Variants in CSMD1 observed in about 807,000 individuals in gnomAD.
CSMD1 encodes CUB and sushi domain-containing protein 1.
Under a neutral mutation model 417.5 loss-of-function variants are expected in CSMD1, and 213 were observed. The observed-to-expected ratio is 0.51, with a 90% CI of 0.46 to 0.57. CSMD1 has a LOEUF of 0.57. Ranked by LOEUF, CSMD1 falls within the 20% of genes least tolerant of loss-of-function variation. The pLI, the probability that CSMD1 is intolerant of heterozygous loss-of-function variation, is 0.00. For missense variants in CSMD1, 6,923 were observed against 4,529.7 expected, an observed-to-expected ratio of 1.53 and a Z score of -15.17; for synonymous variants, 2,862 against 1,736.8, an observed-to-expected ratio of 1.65 and a Z score of -16.11.
chr8:3,382,979 G>A (rs769388975), intron 18 of CSMD1, among the ~76,000 whole-genome samples: 50 of 152,106 alleles, frequency 3.3e-4, no homozygotes, highest in Admixed American at 7.2e-4. Context: ...CCACTTAAAC[G>A]CTGTGACAAA....
chr8:3,090,316 C>CA (rs35534326), intron 48 of CSMD1, among the ~76,000 whole-genome samples: 23,092 of 79,552 alleles, frequency 0.29, 4,465 homozygotes, highest in Non-Finnish European at 0.37. Context: ...GACTGTATTT[C>CA]AAAAAAAAAA....
intron 3 of CSMD1, among the ~76,000 whole-genome samples, chr8:4,150,008 C>A (rs749206562): frequency 4.1e-4 from 63 of 152,158 alleles, no homozygotes; most frequent in Non-Finnish European, 7.6e-4. Flanking sequence ...CTGATGGATG[C>A]CTTTAAAATA....
chr8:4,288,248 G>C (rs969958793), intron 3 of CSMD1, among the ~76,000 whole-genome samples: 4 of 152,140 alleles, frequency 2.6e-5, no homozygotes, highest in African/African-American at 7.2e-5. Context: ...GTGCCTTCAT[G>C]AGTTTCTGAC....
At chr8:3,198,862 A>G (rs984844707) in intron 33 of CSMD1, among the ~76,000 whole-genome samples, 2 of 152,220 alleles carry the variant, frequency 1.3e-5, no homozygotes, top group Non-Finnish European at 2.9e-5. Context: ...TGAAGAAAAT[A>G]CTTAACAGTG....
chr8:3,856,889 T>C (rs1254833371), intron 5 of CSMD1, among the ~76,000 whole-genome samples: 1 of 152,140 alleles, frequency 6.6e-6, no homozygotes, highest in Non-Finnish European at 1.5e-5. Context: ...AAATGAACAC[T>C]TGTAACTACT....
chr8:3,512,703 G>C (rs1797127571), intron 10 of CSMD1, among the ~76,000 whole-genome samples: 2 of 151,544 alleles, frequency 1.3e-5, no homozygotes, highest in South Asian at 2.1e-4. Flanking sequence ...CTGCCTCCTG[G>C]GTTCAAGCAA....
At chr8:4,651,958 C>T (rs895703119) in intron 1 of CSMD1, among the ~76,000 whole-genome samples, 1 of 152,112 alleles carries the variant, frequency 6.6e-6, no homozygotes, top group African/African-American at 2.4e-5. Flanking sequence ...TAACTCAATC[C>T]TCTGGGTCTA....
At chr8:3,165,660 C>G (rs1304346875) in intron 37 of CSMD1, among the ~76,000 whole-genome samples, 1 of 152,052 alleles carries the variant, frequency 6.6e-6, no homozygotes, top group Admixed American at 6.6e-5. Context: ...TCTTGAACTC[C>G]TGACCTCGTG....
At chr8:4,509,128 A>G (rs189765115) in intron 2 of CSMD1, among the ~76,000 whole-genome samples, 218 of 152,364 alleles carry the variant, frequency 1.4e-3, no homozygotes, top group African/African-American at 4.9e-3. Context: ...TAAATGAAGT[A>G]AAATAAACAA....
chr8:4,495,074 A>G (rs912114587), intron 2 of CSMD1, among the ~76,000 whole-genome samples: 6 of 152,186 alleles, frequency 3.9e-5, no homozygotes, highest in African/African-American at 1.2e-4. Context: ...AGACAAGGAA[A>G]GAAACCAGAT....
At chr8:4,207,746 A>T (rs1397384830) in intron 3 of CSMD1, among the ~76,000 whole-genome samples, 4 of 152,064 alleles carry the variant, frequency 2.6e-5, no homozygotes, top group Non-Finnish European at 4.4e-5. Context: ...AGATACTGTA[A>T]CATTTCGATA....
At chr8:3,436,946 C>A (rs1814604487) in intron 12 of CSMD1, among the ~76,000 whole-genome samples, 1 of 151,572 alleles carries the variant, frequency 6.6e-6, no homozygotes, top group Non-Finnish European at 1.5e-5. Flanking sequence ...GAGTGTGAAG[C>A]TAAAAAAAAG....
rs79102430 is a variant in CSMD1, at chr8:3,488,403, T to C, written c.1448+5220A>G. On this transcript the variant is annotated intron_variant, in intron 11 of 69. Coordinates refer to ENST00000635120, the MANE Select transcript of CSMD1 (RefSeq NM_033225.6). ...GATTATAGGCGTATACCAGCATGCC[T>C]GGCCAATAACATGTCTTTTGACCTT... Among the ~76,000 whole-genome samples, 797 of 152,308 alleles carry C rather than the reference T, an allele frequency of 5.2e-3. 14 individuals carry two copies. Among genetic ancestry groups the C allele is most frequent in the African/African-American group, 0.018 (766 of 41,558 alleles).
At chr8:4,620,287 G>A (rs867260283) in intron 2 of CSMD1, among the ~76,000 whole-genome samples, 1 of 151,414 alleles carries the variant, frequency 6.6e-6, no homozygotes, top group Non-Finnish European at 1.5e-5. Flanking sequence ...TCTCCTGTAA[G>A]AAATATACAT....
At position 3,195,502 on chromosome 8, in the gene CSMD1, G is replaced by T. The variant is rs578028674; in HGVS notation, c.5194+4212C>A. On this transcript the variant is annotated intron_variant, in intron 33 of 69. Transcript: ENST00000635120. Reference sequence around the variant, plus strand: ...AAGCAGACTGTGCTGGAGTTACTAAGAAACAGTTTGTGTGATGTTCGGCTT... The same window carrying T: ...AAGCAGACTGTGCTGGAGTTACTAATAAACAGTTTGTGTGATGTTCGGCTT... 5.3e-5 allele frequency among the ~76,000 whole-genome samples: 8 copies of T among 152,346 alleles called. No homozygotes were observed. The South Asian group carries it at 1.7e-3, about 32-fold the overall frequency.
intron 3 of CSMD1, among the ~76,000 whole-genome samples, chr8:4,152,675 G>C (rs977038762): frequency 6.6e-6 from 1 of 151,742 alleles, no homozygotes; most frequent in Admixed American, 6.6e-5. Flanking sequence ...AAGCAACAGA[G>C]CGAGACCTTG....
chr8:3,510,904 A>G (rs542235898), intron 10 of CSMD1, among the ~76,000 whole-genome samples: 1 of 151,786 alleles, frequency 6.6e-6, no homozygotes, highest in Non-Finnish European at 1.5e-5. Context: ...TCTGGATATT[A>G]GCCCTTCGTC....
At chr8:3,931,926 A>G (rs1398871402) in intron 5 of CSMD1, among the ~76,000 whole-genome samples, 1 of 149,578 alleles carries the variant, frequency 6.7e-6, no homozygotes, top group African/African-American at 2.5e-5. Flanking sequence ...AGATCACAGA[A>G]CCCAATTGTA....
At chr8:4,210,999 G>A (rs1800273983) in intron 3 of CSMD1, among the ~76,000 whole-genome samples, 1 of 152,028 alleles carries the variant, frequency 6.6e-6, no homozygotes, top group Non-Finnish European at 1.5e-5. Flanking sequence ...CAAACAGAAA[G>A]AACCACAATG....
Sources: allele counts gnomAD v4.1 joint callset (sites outside exome capture counted in the v4.1 genomes callset), GRCh38; gene constraint gnomAD v4.1.1; transcripts MANE v1.5; gene names NCBI Gene and HGNC (gene_info 2026-07-23, HGNC 2026-07-21).